CADM1: variants seen among roughly 807,000 people sequenced by gnomAD.
CADM1 encodes cell adhesion molecule 1.
Under a neutral mutation model 53.1 loss-of-function variants are expected in CADM1, and 15 were observed. That is an observed-to-expected ratio of 0.28 (90% CI 0.19 to 0.44). The LOEUF is 0.44. Ranked by LOEUF, CADM1 falls within the 20% of genes least tolerant of loss-of-function variation. CADM1 has a pLI of 1.00. For missense variants in CADM1, 434 were observed against 611.3 expected (o/e 0.71, Z 3.06); for synonymous variants, 281 against 243.0 (o/e 1.16, Z -1.45).
chr11:115,443,498 C>T (rs538638505), intron 1 of CADM1, among the ~76,000 whole-genome samples: 60 of 152,188 alleles, frequency 3.9e-4, no homozygotes, highest in African/African-American at 1.3e-3. Flanking sequence ...TCATTAGTAA[C>T]CTTTGATCTC....
intron 1 of CADM1, among the ~76,000 whole-genome samples, chr11:115,331,481 C>A (rs1036308196): frequency 2.0e-5 from 3 of 152,074 alleles, no homozygotes; most frequent in African/African-American, 7.2e-5. Flanking sequence ...AAAAGGTAAG[C>A]ACATTGTTCA....
intron 1 of CADM1, among the ~76,000 whole-genome samples, chr11:115,280,883 G>T (rs766806003): frequency 2.0e-5 from 3 of 152,202 alleles, no homozygotes; most frequent in Non-Finnish European, 4.4e-5. Context: ...ATTCTACCAT[G>T]AGAAGTGACC....
At chr11:115,394,105 C>G (rs1472545493) in intron 1 of CADM1, among the ~76,000 whole-genome samples, 1 of 152,146 alleles carries the variant, frequency 6.6e-6, no homozygotes, top group Non-Finnish European at 1.5e-5. Flanking sequence ...GCTTACAGAT[C>G]TAGATCTACA....
intron 1 of CADM1, among the ~76,000 whole-genome samples, chr11:115,463,527 T>C (rs1007520108): frequency 6.6e-6 from 1 of 152,224 alleles, no homozygotes; most frequent in African/African-American, 2.4e-5. Context: ...GATATATATG[T>C]ACATTCCTGT....
At chr11:115,246,888 A>C (rs1347910741) in intron 1 of CADM1, among the ~76,000 whole-genome samples, 4 of 152,246 alleles carry the variant, frequency 2.6e-5, no homozygotes, top group African/African-American at 9.6e-5. Context: ...TTTTATAATC[A>C]GTAACAGGTG....
chr11:115,284,084 G>GAC (rs1943656384), intron 1 of CADM1, among the ~76,000 whole-genome samples: 3 of 22,932 alleles, frequency 1.3e-4, no homozygotes, highest in African/African-American at 3.2e-4. Context: ...TACAAGCCCA[G>GAC]ACACTCTCTC....
At chr11:115,389,626 A>G (rs915812728) in intron 1 of CADM1, among the ~76,000 whole-genome samples, 3 of 152,208 alleles carry the variant, frequency 2.0e-5, no homozygotes, top group Non-Finnish European at 4.4e-5. Flanking sequence ...CAACAGGACT[A>G]AAGATGATAC....
chr11:115,363,164 A>T (rs1321903896), intron 1 of CADM1, among the ~76,000 whole-genome samples: 1 of 152,152 alleles, frequency 6.6e-6, no homozygotes, highest in Non-Finnish European at 1.5e-5. Context: ...CTTTGGCCCC[A>T]CTGAGTGAAC....
In CADM1 at chr11:115,214,790, G is replaced by A; in HGVS notation, c.822-10C>T. 2.5e-6 allele frequency: 4 copies of A among 1,613,370 alleles called. No homozygotes were observed. The highest frequency in any genetic ancestry group is 3.4e-6 in the Non-Finnish European group (4 of 1,179,602). On this transcript the variant is annotated splice_polypyrimidine_tract_variant and intron_variant, in intron 6 of 11. Coordinates refer to ENST00000331581, the MANE Select transcript of CADM1 (RefSeq NM_001301043.2). ...AGTTACCATCACAGGCCTGCAGGGG[G>A]AAGGGGAGGAAGACAAGTCACATTA...
chr11:115,429,207 G>C (rs1259329644), intron 1 of CADM1, among the ~76,000 whole-genome samples: 2 of 152,044 alleles, frequency 1.3e-5, no homozygotes, highest in Non-Finnish European at 2.9e-5. Flanking sequence ...AGAAAAAAAT[G>C]ATTTATTAAA....
chr11:115,378,726 A>C (rs1388007369), intron 1 of CADM1, among the ~76,000 whole-genome samples: 1 of 152,178 alleles, frequency 6.6e-6, no homozygotes, highest in Non-Finnish European at 1.5e-5. Flanking sequence ...AGTGTCCATA[A>C]ATAAAGTTTT....
At chr11:115,378,667 T>C (rs1210490631) in intron 1 of CADM1, among the ~76,000 whole-genome samples, 1 of 152,152 alleles carries the variant, frequency 6.6e-6, no homozygotes, top group Non-Finnish European at 1.5e-5. Context: ...TTGAAAAAAT[T>C]CTTAAGAATA....
chr11:115,292,606 C>T (rs1442848981), intron 1 of CADM1, among the ~76,000 whole-genome samples: 2 of 152,222 alleles, frequency 1.3e-5, no homozygotes, highest in East Asian at 1.9e-4. Flanking sequence ...TAATAATCTA[C>T]ACTTGTATGG....
At chr11:115,187,333 C>G (rs1228083716) in intron 10 of CADM1, among the ~76,000 whole-genome samples, 1 of 152,196 alleles carries the variant, frequency 6.6e-6, no homozygotes, top group Admixed American at 6.5e-5. Flanking sequence ...ACTTAAGACA[C>G]TCCCAGTAAC....
chr11:115,440,076 G>A (rs1384983831), intron 1 of CADM1, among the ~76,000 whole-genome samples: 1 of 152,150 alleles, frequency 6.6e-6, no homozygotes, highest in East Asian at 1.9e-4. Flanking sequence ...TTACTTAAAT[G>A]TCCCAGAAAT....
At chr11:115,284,627 C>T (rs532994576) in intron 1 of CADM1, among the ~76,000 whole-genome samples, 70 of 152,172 alleles carry the variant, frequency 4.6e-4, no homozygotes, top group African/African-American at 1.6e-3. Flanking sequence ...TGTCTAGTTC[C>T]TCCTTTTCTA....
At chr11:115,461,664 T>A (rs1591268730) in intron 1 of CADM1, among the ~76,000 whole-genome samples, 1 of 152,184 alleles carries the variant, frequency 6.6e-6, no homozygotes, top group Admixed American at 6.5e-5. Flanking sequence ...TGAATATGGA[T>A]GAACCTGTTG....
chr11:115,411,092 A>G (rs1241042050), intron 1 of CADM1, among the ~76,000 whole-genome samples: 1 of 152,232 alleles, frequency 6.6e-6, no homozygotes, highest in African/African-American at 2.4e-5. Context: ...GACTCTATGT[A>G]ATTACACATA....
chr11:115,292,861 T>C (rs1943941820), intron 1 of CADM1, among the ~76,000 whole-genome samples: 1 of 152,220 alleles, frequency 6.6e-6, no homozygotes, highest in Non-Finnish European at 1.5e-5. Flanking sequence ...TGTTTTCTTT[T>C]TGAACATGTT....
Sources: allele counts gnomAD v4.1 joint callset (sites outside exome capture counted in the v4.1 genomes callset), GRCh38; gene constraint gnomAD v4.1.1; transcripts MANE v1.5; gene names NCBI Gene and HGNC (gene_info 2026-07-23, HGNC 2026-07-21).